MIA3: variants seen among roughly 807,000 people sequenced by gnomAD.
MIA3 encodes transport and Golgi organization protein 1 homolog.
MIA3 carries 90 observed loss-of-function variants against 192.4 expected under a neutral mutation model. That is an observed-to-expected ratio of 0.47 (90% CI 0.39 to 0.56). The LOEUF (loss-of-function observed/expected upper bound fraction) is 0.56, where lower values mean the gene tolerates loss of function less well. Ranked by LOEUF, MIA3 falls within the 20% of genes least tolerant of loss-of-function variation. The pLI, the probability that MIA3 is intolerant of heterozygous loss-of-function variation, is 0.00. For missense variants in MIA3, 2,123 were observed against 2,269.4 expected (o/e 0.94, Z 1.31); for synonymous variants, 740 against 792.8 (o/e 0.93, Z 1.12).
intron 6 of MIA3, among the ~76,000 whole-genome samples, chr1:222,634,316 G>A (rs922910884): frequency 6.6e-6 from 1 of 151,958 alleles, no homozygotes. Context: ...GCAAGACCCT[G>A]CCTCAGAAAA....
At chr1:222,643,891 A>T (rs1426246585) in intron 6 of MIA3, among the ~76,000 whole-genome samples, 1 of 152,198 alleles carries the variant, frequency 6.6e-6, no homozygotes, top group East Asian at 1.9e-4. Flanking sequence ...AATGTGAGAC[A>T]GCGAGCGCAA....
chr1:222,644,615 C>T (rs1663043877), intron 6 of MIA3: 1 of 1,550,016 alleles, frequency 6.5e-7, no homozygotes, highest in South Asian at 1.2e-5. Context: ...GGGGAGGGAC[C>T]CAAGCTGTCA....
chr1:222,666,868 C>T lies in MIA3; in HGVS notation c.*1249C>T, dbSNP rs1016033727. 1.3e-5 allele frequency: 2 copies of T among 152,150 alleles called. No individual in the cohort carries two copies. The highest frequency in any genetic ancestry group is 4.8e-5 in the African/African-American group (2 of 41,424). 9.4% of individuals were successfully genotyped at this position (152,150 alleles called of 1,614,324 possible). A position where few individuals can be genotyped will look rare whatever the true frequency, so the allele number is the denominator to read the frequency against. ...TTTCTTTAAATACTCTACAACGTTT[C>T]TAAGAACGAACTTCAGACATTTTAA... On this transcript the variant is annotated 3_prime_UTR_variant, in exon 28 of 28. Coordinates refer to ENST00000344922, the MANE Select transcript of MIA3 (RefSeq NM_198551.4).
intron 18 of MIA3, among the ~76,000 whole-genome samples, chr1:222,656,264 G>A (rs866128092): frequency 6.6e-6 from 1 of 151,906 alleles, no homozygotes; most frequent in East Asian, 1.9e-4. Context: ...GAGCCACCGC[G>A]CCCGGCCAAA....
chr1:222,652,228 G>T lies in MIA3; in HGVS notation c.3982G>T (p.Val1328Phe). ...ISMNASEFSE[V>F]QIALNEAKLS... ...CACTAATAGGAGTGTTTTGCATTAG[G>T]TTCAGATTGCACTTAATGAAGCTAA... Residue 1328 changes from valine to phenylalanine, a missense_variant and splice_region_variant, in exon 13 of 28, where the codon GTT (valine) becomes TTT (phenylalanine). Physicochemically the swap from Val to Phe is conservative, Grantham distance 50. Coordinates refer to ENST00000344922, the MANE Select transcript of MIA3 (RefSeq NM_198551.4). 6.2e-7 allele frequency: 1 copy of T among 1,610,128 alleles called. No individual in the cohort carries two copies. The highest frequency in any genetic ancestry group is 1.1e-5 in the South Asian group (1 of 90,982).
At position 222,665,968 on chromosome 1, in the gene MIA3, T is replaced by C. The variant is rs1324944892; in HGVS notation, c.*349T>C. On this transcript the variant is annotated 3_prime_UTR_variant, in exon 28 of 28. Coordinates refer to ENST00000344922, the MANE Select transcript of MIA3 (RefSeq NM_198551.4). ...GCTTTAAGAACATGTATTTCCATTA[T>C]CCTATTTTTAGTGTACACCAGCTGA... 5.8e-6 allele frequency: 1 copy of C among 173,784 alleles called. No individual in the cohort carries two copies. Among genetic ancestry groups the C allele is most frequent in the African/African-American group, 2.4e-5 (1 of 42,380 alleles). The allele number at this position is 173,784 out of a possible 1,614,324, so 10.8% of individuals were successfully genotyped here. A position where few individuals can be genotyped will look rare whatever the true frequency, so the allele number is the denominator to read the frequency against.
chr1:222,660,842 T>C (rs564424345), intron 24 of MIA3: 2 of 152,848 alleles, frequency 1.3e-5, no homozygotes, highest in Admixed American at 1.3e-4. Context: ...AAAGATCTAT[T>C]TTAAAAAGTT....
rs1428093116 is a variant in MIA3 at position 222,648,658 on chromosome 1, T to C, written c.3610-171T>C. Among the ~76,000 whole-genome samples the C allele has an allele frequency of 4.6e-5, 7 of 152,332 alleles. No homozygotes were observed. The East Asian group carries it at 1.2e-3, about 25-fold the overall frequency. On this transcript the variant is annotated intron_variant, in intron 7 of 27. Transcript: ENST00000344922. ...CACAACATATCACTACTGGTTAAAT[T>C]TGAAATGCTTTTTAACCTTTTTAAG...
At position 222,660,327 on chromosome 1, in the gene MIA3, A is replaced by C. The variant is rs758034215; in HGVS notation, c.5113+13A>C. ...AGAAGTGAATTTGGTGAGCATTCACATGTTTCCTTGCAATACTCTTTTGGG... is the reference window on the plus strand; with the variant it reads ...AGAAGTGAATTTGGTGAGCATTCACCTGTTTCCTTGCAATACTCTTTTGGG... On this transcript the variant is annotated intron_variant, in intron 24 of 27. Coordinates refer to ENST00000344922, the MANE Select transcript of MIA3 (RefSeq NM_198551.4). The C allele has an allele frequency of 6.2e-7, 1 of 1,603,108 alleles. No homozygotes were observed. The highest frequency in any genetic ancestry group is 1.1e-5 in the South Asian group (1 of 88,588).
intron 8 of MIA3, 31 bp downstream of exon 8, chr1:222,648,881 C>G: frequency 7.3e-7 from 1 of 1,366,022 alleles, no homozygotes; most frequent in Non-Finnish European, 1.0e-6. Flanking sequence ...GTTATTTGTA[C>G]TAGTCCCTCT....
In MIA3 at chr1:222,618,231, G is replaced by T; in HGVS notation, c.121G>T (p.Asp41Tyr). 1.3e-6 allele frequency: 2 copies of T among 1,483,456 alleles called. No individual in the cohort carries two copies. The highest frequency in any genetic ancestry group is 2.5e-5 in the South Asian group (2 of 79,202). 91.9% of individuals were successfully genotyped at this position (1,483,456 alleles called of 1,614,324 possible). A position where few individuals can be genotyped will look rare whatever the true frequency, so the allele number is the denominator to read the frequency against. Residue 41 changes from aspartate (D) to tyrosine (Y), a missense_variant, in exon 1 of 28, where the codon GAC becomes TAC. Physicochemically the swap from Asp to Tyr is radical, Grantham distance 160. This residue lies in a region of MIA3 where 1,357 missense variants were observed against 1,396.1 expected (regional missense o/e 0.97). Coordinates refer to ENST00000344922, the MANE Select transcript of MIA3 (RefSeq NM_198551.4). ...CTCGGAGCACAAACTCTGCGCGGAC[G>T]ACGAATGCAGCAGTGAGTGCGCTGG... ...RFSEHKLCAD[D>Y]ECSMLMYRGE...
In MIA3 at chr1:222,667,919, G is replaced by A. The variant is rs908912371; in HGVS notation, c.*2300G>A. ...ATTGGAAAGTAAATTTAAGTAATTC[G>A]TGGGATGTGGTATATTCTGTGTCAA... is the stretch of plus-strand genomic sequence containing the variant. On this transcript the variant is annotated 3_prime_UTR_variant, in exon 28 of 28. Transcript: ENST00000344922. 1 of 152,108 alleles carries A rather than the reference G, an allele frequency of 6.6e-6. No homozygotes were observed. The highest frequency in any genetic ancestry group is 1.5e-5 in the Non-Finnish European group (1 of 68,034). The allele number at this position is 152,108 out of a possible 1,614,324, so 9.4% of individuals were successfully genotyped here.
At position 222,654,403 on chromosome 1, in the gene MIA3, A is replaced by G; in HGVS notation, c.4392A>G (p.Ile1464Met). The change falls in exon 17 of 28, where the codon ATA (isoleucine) becomes ATG (methionine). Residue 1464 changes from isoleucine (I) to methionine (M), a missense_variant. This residue lies in a region of MIA3 where 762 missense variants were observed against 856.4 expected (regional missense o/e 0.89). Coordinates refer to ENST00000344922, the MANE Select transcript of MIA3 (RefSeq NM_198551.4). ...GCAATTTTTAGACACAGACTGCAAT[A>G]TCGGTAGTTGAAGAGGATCTAAAGC... ...MMDVSRTQTA[I>M]SVVEEDLKLL... is the part of the protein sequence containing the mutation. 1 of 1,613,874 alleles carries G rather than the reference A, an allele frequency of 6.2e-7. No individual in the cohort carries two copies. Among genetic ancestry groups the G allele is most frequent in the Non-Finnish European group, 8.5e-7 (1 of 1,179,900 alleles).
At position 222,662,318 on chromosome 1, in the gene MIA3, C is replaced by T; in HGVS notation, c.5248C>T (p.Leu1750Phe). 1.2e-6 allele frequency: 2 copies of T among 1,613,888 alleles called. No individual in the cohort carries two copies. The highest frequency in any genetic ancestry group is 1.7e-6 in the Non-Finnish European group (2 of 1,179,762). The change falls in exon 26 of 28, where the codon CTC becomes TTC. Residue 1750 changes from leucine (L) to phenylalanine (F), a missense_variant. Physicochemically the swap from Leu to Phe is conservative, Grantham distance 22. Around this residue, in one of 3 missense-constraint regions of MIA3, gnomAD observed 762 missense variants for 856.4 expected, o/e 0.89. Coordinates refer to ENST00000344922, the MANE Select transcript of MIA3 (RefSeq NM_198551.4). ...AAGAGGCTCTTCCCCTACCAGGGTA[C>T]TCGATGAAGGCAAGGTAAATGCACC... ...SSRGSSPTRV[L>F]DEGKVNMAPK...
chr1:222,637,793 G>T (rs1277478716), intron 6 of MIA3, among the ~76,000 whole-genome samples: 1 of 151,490 alleles, frequency 6.6e-6, no homozygotes, highest in Non-Finnish European at 1.5e-5. Flanking sequence ...CTGGGCTCAG[G>T]TGATCCTCCT....
chr1:222,649,593 C>G (rs1663316413), intron 8 of MIA3: 1 of 152,304 alleles, frequency 6.6e-6, no homozygotes, highest in African/African-American at 2.4e-5. Context: ...TGGAGAAACC[C>G]CATCTCTATA....
At chr1:222,646,465 T>C (rs1253051219) in intron 7 of MIA3, among the ~76,000 whole-genome samples, 1 of 148,984 alleles carries the variant, frequency 6.7e-6, no homozygotes, top group Non-Finnish European at 1.5e-5. Flanking sequence ...TTAAATATCT[T>C]ACATGGCCGG....
At chr1:222,641,439 G>A in intron 6 of MIA3, 1 of 494,420 alleles carries the variant, frequency 2.0e-6, no homozygotes, top group Non-Finnish European at 4.0e-6. Context: ...AGCCTGAGCT[G>A]CCCCCAGGGC....
At chr1:222,619,835 C>T (rs1429349378) in intron 1 of MIA3, among the ~76,000 whole-genome samples, 2 of 152,204 alleles carry the variant, frequency 1.3e-5, no homozygotes, top group Non-Finnish European at 2.9e-5. Flanking sequence ...CTAGATGGGT[C>T]TGTGTTGTGT....
Sources: gnomAD v4.1 joint callset for allele counts (sites outside exome capture counted in the v4.1 genomes callset) on GRCh38, gnomAD v4.1.1 for gene constraint, gnomAD v4.1.1 regional missense constraint, MANE v1.5 for transcripts, NCBI Gene and HGNC (gene_info 2026-07-23, HGNC 2026-07-21) for gene names.